The following ADGRL2 variants were observed in gnomAD, a reference collection of about 807,000 sequenced individuals.
ADGRL2 encodes the protein calcium-independent alpha-latrotoxin receptor 2.
ADGRL2 carries 44 observed loss-of-function variants against 157.4 expected under a neutral mutation model. The observed-to-expected ratio is 0.28, with a 90% CI of 0.22 to 0.36. ADGRL2 has a LOEUF of 0.36. ADGRL2 is among the 10% of genes least tolerant of loss of function. The probability of loss-of-function intolerance (pLI) is 1.00; values close to 1 mark genes in which losing one functional copy is unlikely to be tolerated. For missense variants in ADGRL2, 1,510 were observed against 1,768.9 expected, an observed-to-expected ratio of 0.85 and a Z score of 2.63; for synonymous variants, 585 against 624.7, an observed-to-expected ratio of 0.94 and a Z score of 0.95.
intron 1 of ADGRL2, among the ~76,000 whole-genome samples, chr1:81,806,004 T>C (rs2089082893): frequency 6.6e-6 from 1 of 152,048 alleles, no homozygotes; most frequent in African/African-American, 2.4e-5. Context: ...GAAAAATTAA[T>C]GTGTTGTAGA....
At chr1:81,950,031 C>T (rs568069623) in intron 6 of ADGRL2, among the ~76,000 whole-genome samples, 158 bp from the exon 7 acceptor site, 6 of 152,230 alleles carry the variant, frequency 3.9e-5, no homozygotes, top group Admixed American at 6.5e-5. Context: ...TGTATTCTTA[C>T]GAGCGATATT....
chr1:81,723,804 A>T (rs1440021279), intron 1 of ADGRL2, among the ~76,000 whole-genome samples: 1 of 151,880 alleles, frequency 6.6e-6, no homozygotes, highest in Non-Finnish European at 1.5e-5. Flanking sequence ...TTTGCCCTTA[A>T]ATCTCACCCT....
intron 1 of ADGRL2, among the ~76,000 whole-genome samples, chr1:81,316,936 C>T (rs950809700): frequency 2.6e-5 from 4 of 152,154 alleles, no homozygotes; most frequent in African/African-American, 4.8e-5. Context: ...GTTGGGAAAG[C>T]GCAAATGGAA....
intron 2 of ADGRL2, among the ~76,000 whole-genome samples, chr1:81,542,947 A>C (rs2079920599): frequency 6.6e-6 from 1 of 151,448 alleles, no homozygotes; most frequent in African/African-American, 2.4e-5. Flanking sequence ...TGCCAACAAC[A>C]GTTTATGTTA....
chr1:81,974,152 A>G (rs1028231644), intron 17 of ADGRL2, among the ~76,000 whole-genome samples: 2 of 152,210 alleles, frequency 1.3e-5, no homozygotes, highest in East Asian at 3.8e-4. Context: ...AAATAGGTGT[A>G]CATTCTAAAT....
At chr1:81,873,525 C>T (rs1461654030) in intron 2 of ADGRL2, among the ~76,000 whole-genome samples, 1 of 151,994 alleles carries the variant, frequency 6.6e-6, no homozygotes, top group African/African-American at 2.4e-5. Context: ...GTAAGAATTA[C>T]AGAAAATGGA....
At chr1:81,364,230 TGCC>T (rs1259484809) in intron 1 of ADGRL2, among the ~76,000 whole-genome samples, 7 of 152,206 alleles carry the variant, frequency 4.6e-5, no homozygotes, top group African/African-American at 1.7e-4. Flanking sequence ...TTTATGGCTT[TGCC>T]TTGGTCTAGG....
intron 1 of ADGRL2, among the ~76,000 whole-genome samples, chr1:81,357,213 T>C (rs1663380344): frequency 6.6e-6 from 1 of 152,140 alleles, no homozygotes; most frequent in Non-Finnish European, 1.5e-5. Context: ...TTGGACTTTC[T>C]CAGGCCTTGC....
intron 1 of ADGRL2, among the ~76,000 whole-genome samples, chr1:81,352,041 C>A (rs774213402): frequency 6.6e-6 from 1 of 152,222 alleles, no homozygotes; most frequent in East Asian, 1.9e-4. Context: ...CTGCTTCTAA[C>A]CTCAAAGGCA....
At chr1:81,347,063 GAT>G (rs1570682834) in intron 1 of ADGRL2, among the ~76,000 whole-genome samples, 1 of 152,140 alleles carries the variant, frequency 6.6e-6, no homozygotes, top group East Asian at 1.9e-4. Flanking sequence ...TCTTATTGAA[GAT>G]ATAGTCACAA....
intron 1 of ADGRL2, among the ~76,000 whole-genome samples, chr1:81,803,365 G>A (rs577315931): frequency 1.4e-3 from 209 of 152,200 alleles, no homozygotes; most frequent in Non-Finnish European, 2.2e-3. Context: ...CAGACTGCGG[G>A]GTGGGGGTGA....
chr1:81,978,520 C>T (rs565129968), intron 17 of ADGRL2, among the ~76,000 whole-genome samples: 24 of 151,760 alleles, frequency 1.6e-4, no homozygotes, highest in Middle Eastern at 3.4e-3. Flanking sequence ...TGCCCATTGA[C>T]CTCATTTATC....
chr1:81,374,827 T>C (rs2076221586), intron 1 of ADGRL2, among the ~76,000 whole-genome samples: 1 of 152,202 alleles, frequency 6.6e-6, no homozygotes, highest in Non-Finnish European at 1.5e-5. Context: ...ATTTCAAGCA[T>C]CTTCTAATTA....
Position 81,956,161 on chromosome 1 carries a change from CT to C in ADGRL2, c.2017+108del. On this transcript the variant is annotated intron_variant, in intron 11 of 23. Coordinates refer to ENST00000686636, the MANE Select transcript of ADGRL2 (RefSeq NM_001366006.2). ...TCTGTTATTTCCCAGTGCTGTACTT[CT>C]TTTTTTGTCAAATTATTTTTGTCTG... 4 of 826,516 alleles carry C rather than the reference CT, an allele frequency of 4.8e-6. No individual in the cohort carries two copies. In the South Asian group the frequency reaches 1.2e-4, roughly 25 times the overall value. 51.2% of individuals were successfully genotyped at this position (826,516 alleles called of 1,614,324 possible).
intron 1 of ADGRL2, among the ~76,000 whole-genome samples, chr1:81,759,512 A>C (rs116072267): frequency 0.011 from 1,721 of 152,272 alleles, 30 homozygotes; most frequent in Middle Eastern, 0.045. Context: ...AGTATAATTA[A>C]CTAACATTTT....
chr1:81,789,663 T>C (rs1571229642), intron 2 of ADGRL2, among the ~76,000 whole-genome samples: 1 of 141,414 alleles, frequency 7.1e-6, no homozygotes, highest in Non-Finnish European at 1.5e-5. Flanking sequence ...AAGGTGGAGG[T>C]TGCAGTGAGC....
In ADGRL2 at chr1:81,970,237, G is replaced by A. The variant is rs1658322012; in HGVS notation, c.2734-77G>A. The A allele has an allele frequency of 7.8e-6, 7 of 894,146 alleles. No individual in the cohort carries two copies. In the South Asian group the frequency reaches 9.5e-5, roughly 12 times the overall value. The allele number at this position is 894,146 out of a possible 1,614,324, so 55.4% of individuals were successfully genotyped here. On this transcript the variant is annotated intron_variant, in intron 15 of 23. Transcript: ENST00000686636. ...TGAAATAATAGTGATTTCTCTTAGT[G>A]AGTATTTTATAATTTTGGAGTGGGC...
intron 2 of ADGRL2, among the ~76,000 whole-genome samples, chr1:81,860,099 T>C (rs1306020883): frequency 6.6e-6 from 1 of 151,906 alleles, no homozygotes; most frequent in African/African-American, 2.4e-5. Flanking sequence ...TGGCAGGTGC[T>C]TGTAATCCCA....
chr1:81,447,099 G>C (rs2077611351), intron 2 of ADGRL2, among the ~76,000 whole-genome samples: 1 of 151,936 alleles, frequency 6.6e-6, no homozygotes, highest in Admixed American at 6.6e-5. Flanking sequence ...ATCATTTAAA[G>C]GGGCAAACGT....
Sources: gnomAD v4.1 joint callset for allele counts (sites outside exome capture counted in the v4.1 genomes callset) on GRCh38, gnomAD v4.1.1 for gene constraint, MANE v1.5 for transcripts, NCBI Gene and HGNC (gene_info 2026-07-23, HGNC 2026-07-21) for gene names.